GALNT15: variants seen among roughly 807,000 people sequenced by gnomAD.
GALNT15 encodes polypeptide N-acetylgalactosaminyltransferase 15.
Under a neutral mutation model 66.8 loss-of-function variants are expected in GALNT15, and 67 were observed. The ratio of observed to expected loss-of-function variants is 1.00; its 90% confidence interval spans 0.82 to 1.23. The LOEUF (loss-of-function observed/expected upper bound fraction) is 1.23. GALNT15 is among the 50% of genes most tolerant of loss of function. The pLI, the probability that GALNT15 is intolerant of heterozygous loss-of-function variation, is 0.00. For synonymous variants in GALNT15, 313 were observed against 311.5 expected (o/e 1.00, Z -0.05); for missense variants, 827 against 804.3 (o/e 1.03, Z -0.34).
chr3:16,241,976 A>T, the GALNT15 span, among the ~76,000 whole-genome samples: 5 of 152,082 alleles, frequency 3.3e-5, no homozygotes, highest in Non-Finnish European at 7.4e-5. The surrounding 1 kb of genome is among the most constrained non-coding windows in gnomAD (Gnocchi z 4.6). Flanking sequence ...AGCTTCTCAC[A>T]TGGCAGGGGA....
chr3:16,206,597 T>C (rs1007722271), intron 3 of GALNT15, among the ~76,000 whole-genome samples: 4 of 138,650 alleles, frequency 2.9e-5, no homozygotes, highest in Non-Finnish European at 6.1e-5. Context: ...GGCGTGAACC[T>C]GGGAGGCGGA....
In GALNT15 at chr3:16,222,618, C is replaced by T. The variant is rs899245355; in HGVS notation, c.1633C>T (p.Leu545=). 10 of 1,614,236 alleles carry T rather than the reference C, an allele frequency of 6.2e-6. No homozygotes were observed. The highest frequency in any genetic ancestry group is 8.5e-6 in the Non-Finnish European group (10 of 1,180,036). Residue 545 remains leucine, a synonymous_variant, in exon 9 of 10, where the codon CTG becomes TTG. Coordinates refer to ENST00000339732, the MANE Select transcript of GALNT15 (RefSeq NM_054110.5). ...PCSDSRQQQY[L]QHTSRKEIHF... Reference sequence around the variant, plus strand: ...ACAACTATTGCTTCTGTCACAGTACCTGCAGCACACCAGCAGGAAGGAGAT... The same window carrying T: ...ACAACTATTGCTTCTGTCACAGTACTTGCAGCACACCAGCAGGAAGGAGAT...
In GALNT15 at chr3:16,211,674, A is replaced by G. The variant is rs2063815961; in HGVS notation, c.1197+433A>G. On this transcript the variant is annotated intron_variant, in intron 5 of 9. Transcript: ENST00000339732. This position sits in a 1 kb window ranked among gnomAD's most constrained non-coding sequence, Gnocchi z 4.3. ...AAACTTAGCACCTGTTGGGCACCAC[A>G]CAACTTCTCAAACCTTGGAGTCACC... is the stretch of plus-strand genomic sequence containing the variant. Among the ~76,000 whole-genome samples, 1 of 152,228 alleles carries G rather than the reference A, an allele frequency of 6.6e-6. No individual in the cohort carries two copies. Among genetic ancestry groups the G allele is most frequent in the African/African-American group, 2.4e-5 (1 of 41,454 alleles).
At chr3:16,216,928 G>C (rs1206188180) in intron 6 of GALNT15, among the ~76,000 whole-genome samples, 3 of 151,534 alleles carry the variant, frequency 2.0e-5, no homozygotes, top group South Asian at 2.1e-4. Flanking sequence ...GGAGACTGCC[G>C]TTCCCTGGTG....
intron 2 of GALNT15, among the ~76,000 whole-genome samples, chr3:16,197,083 G>A (rs189178270): frequency 3.0e-4 from 46 of 152,332 alleles, no homozygotes; most frequent in Middle Eastern, 6.8e-3. Flanking sequence ...CTGGGTTGGC[G>A]GGTAAAGTGC....
intron 2 of GALNT15, among the ~76,000 whole-genome samples, chr3:16,196,866 ATTCACG>A (rs1380483846): frequency 6.6e-6 from 1 of 152,090 alleles, no homozygotes; most frequent in Non-Finnish European, 1.5e-5. Context: ...GAAGCCGAGC[ATTCACG>A]TTTTTCTAAG....
intron 6 of GALNT15, among the ~76,000 whole-genome samples, chr3:16,213,017 T>C (rs1386368803): frequency 6.6e-6 from 1 of 151,944 alleles, no homozygotes; most frequent in Non-Finnish European, 1.5e-5. Flanking sequence ...ATCTATGGGA[T>C]GGGATCCCTC....
chr3:16,202,864 T>G (rs1348678650), intron 3 of GALNT15, among the ~76,000 whole-genome samples: 1 of 152,216 alleles, frequency 6.6e-6, no homozygotes, highest in Non-Finnish European at 1.5e-5. Flanking sequence ...AACCCTGAGT[T>G]CCAGGAAAGT....
At position 16,228,228 on chromosome 3, in the gene GALNT15, T is replaced by G; in HGVS notation, c.*728T>G. ...TCTATTCCCCCTGCCCTAGCTCTTCTCTAACTTGGTTAACCATAACCATAA... is the reference window on the plus strand; with the variant it reads ...TCTATTCCCCCTGCCCTAGCTCTTCGCTAACTTGGTTAACCATAACCATAA... On this transcript the variant is annotated 3_prime_UTR_variant, in exon 10 of 10. Transcript: ENST00000339732. The G allele has an allele frequency of 1.0e-6, 1 of 985,922 alleles. No individual in the cohort carries two copies. The highest frequency in any genetic ancestry group is 1.2e-6 in the Non-Finnish European group (1 of 829,970). 61.1% of individuals were successfully genotyped at this position (985,922 alleles called of 1,614,324 possible). A position where few individuals can be genotyped will look rare whatever the true frequency, so the allele number is the denominator to read the frequency against.
chr3:16,222,783 C>G, intron 9 of GALNT15, 25 bp downstream of exon 9: 2 of 1,611,518 alleles, frequency 1.2e-6, no homozygotes, highest in Non-Finnish European at 1.7e-6. Flanking sequence ...CAGGAAGAGC[C>G]TGGTAGTGCT....
rs1362880308 is a variant in GALNT15 at position 16,180,419 on chromosome 3, C to T, written c.539+4729C>T. On this transcript the variant is annotated intron_variant, in intron 1 of 9. Coordinates refer to ENST00000339732, the MANE Select transcript of GALNT15 (RefSeq NM_054110.5). The surrounding 1 kb of genome is among the most constrained non-coding windows in gnomAD (Gnocchi z 5.0). ...CTATCAAAGGCACTCCAAGGTGGCA[C>T]CAGCACTGTTGGCCCACAGAGCACA... 1.3e-5 allele frequency among the ~76,000 whole-genome samples: 2 copies of T among 152,204 alleles called. No homozygotes were observed. Among genetic ancestry groups the T allele is most frequent in the Non-Finnish European group, 2.9e-5 (2 of 68,036 alleles).
rs748203905 is a variant in GALNT15, at chr3:16,211,239, A to C, written c.1195A>C (p.Lys399Gln). 6.3e-7 allele frequency: 1 copy of C among 1,597,206 alleles called. No homozygotes were observed. The highest frequency in any genetic ancestry group is 8.6e-7 in the Non-Finnish European group (1 of 1,164,494). The change falls in exon 5 of 10, where the codon AAG becomes CAG. Residue 399 changes from lysine to glutamine, a missense_variant and splice_region_variant. Physicochemically the swap from Lys to Gln is moderately conservative, Grantham distance 53 (BLOSUM62 1). Coordinates refer to ENST00000339732, the MANE Select transcript of GALNT15 (RefSeq NM_054110.5). The surrounding 1 kb of genome is among the most constrained non-coding windows in gnomAD (Gnocchi z 4.3). The part of the protein sequence containing the change: ...RGGENLELSF[K>Q]AWLCGGSVEI... ...TGGTGAAAACCTCGAACTGTCTTTC[A>C]AGGTATGTCCTGGACCAAGGGAGGA... is the stretch of plus-strand genomic sequence containing the variant.
At position 16,174,879 on chromosome 3, in the gene GALNT15, T is replaced by C; in HGVS notation, c.-273T>C. ...GGGTAAAGGGAGGGAAGCAATTCAA[T>C]TTGAAGTCCCTGTGAATGGGCTTTC... On this transcript the variant is annotated 5_prime_UTR_variant, in exon 1 of 10. Coordinates refer to ENST00000339732, the MANE Select transcript of GALNT15 (RefSeq NM_054110.5). The surrounding 1 kb of genome is among the most constrained non-coding windows in gnomAD (Gnocchi z 4.7). The C allele has an allele frequency of 2.2e-6, 1 of 461,810 alleles. No individual in the cohort carries two copies. The highest frequency in any genetic ancestry group is 3.9e-6 in the Non-Finnish European group (1 of 259,062). The allele number at this position is 461,810 out of a possible 1,614,324, so 28.6% of individuals were successfully genotyped here.
Position 16,229,283 on chromosome 3 carries a change from T to G in GALNT15, c.*1783T>G. 1.0e-6 allele frequency: 1 copy of G among 977,538 alleles called. No homozygotes were observed. The allele number at this position is 977,538 out of a possible 1,614,324, so 60.6% of individuals were successfully genotyped here. The stretch of plus-strand genomic sequence containing the variant: ...CACTCTGGACCTGTGCTGTCTAATA[T>G]GGTAGCCACTAACAAAATGTGGCCA... On this transcript the variant is annotated 3_prime_UTR_variant, in exon 10 of 10. Transcript: ENST00000339732.
At chr3:16,220,196 T>C (rs1255928322) in intron 8 of GALNT15, 182 bp downstream of exon 8, 2 of 607,898 alleles carry the variant, frequency 3.3e-6, no homozygotes, top group Admixed American at 2.8e-5. Context: ...CACCTCCATC[T>C]GTAAGCACAG....
Position 16,186,992 on chromosome 3 carries a change from G to A in GALNT15, c.540-8768G>A, listed in dbSNP as rs980332888. On this transcript the variant is annotated intron_variant, in intron 1 of 9. Coordinates refer to ENST00000339732, the MANE Select transcript of GALNT15 (RefSeq NM_054110.5). The surrounding 1 kb of genome is among the most constrained non-coding windows in gnomAD (Gnocchi z 5.1). Reference sequence around the variant, plus strand: ...AAACATTAGTGATTTCAGGCCGGGCGTGGTGGCTCACTCCTGTAATCCCAG... The same window carrying A: ...AAACATTAGTGATTTCAGGCCGGGCATGGTGGCTCACTCCTGTAATCCCAG... 3.3e-5 allele frequency among the ~76,000 whole-genome samples: 5 copies of A among 152,146 alleles called. No individual in the cohort carries two copies. The highest frequency in any genetic ancestry group is 1.9e-4 in the East Asian group (1 of 5,196).
downstream of GALNT15, among the ~76,000 whole-genome samples, chr3:16,234,955 C>G (rs1490263722): frequency 2.0e-5 from 3 of 147,486 alleles, no homozygotes; most frequent in Non-Finnish European, 4.5e-5. Context: ...TGGAGTCTCA[C>G]TCCGTTGCCC....
chr3:16,214,169 G>T (rs1238537289), intron 6 of GALNT15, among the ~76,000 whole-genome samples: 1 of 152,216 alleles, frequency 6.6e-6, no homozygotes. Flanking sequence ...AAGGCATTGG[G>T]ATTGAAAGGA....
downstream of GALNT15, among the ~76,000 whole-genome samples, chr3:16,233,312 C>A (rs1361715953): frequency 6.6e-6 from 1 of 151,726 alleles, no homozygotes; most frequent in African/African-American, 2.4e-5. Flanking sequence ...CCAGTCTGGT[C>A]TTGAACTCCT....
Sources: allele counts gnomAD v4.1 joint callset (sites outside exome capture counted in the v4.1 genomes callset), GRCh38; gene constraint gnomAD v4.1.1; non-coding constraint Gnocchi (gnomAD v3.1); transcripts MANE v1.5; gene names NCBI Gene and HGNC (gene_info 2026-07-23, HGNC 2026-07-21).